LRRC4C: variants seen among roughly 807,000 people sequenced by gnomAD.
LRRC4C encodes leucine rich repeat containing 4C.
Under a neutral mutation model 33.6 loss-of-function variants are expected in LRRC4C, and 5 were observed. That is an observed-to-expected ratio of 0.15 (90% confidence interval 0.08 to 0.31). The LOEUF is 0.31. Among genes scored for constraint, LRRC4C ranks in the 10% least tolerant of loss-of-function variants. The pLI, the probability that LRRC4C is intolerant of heterozygous loss-of-function variation, is 1.00. For synonymous variants in LRRC4C, 329 were observed against 302.0 expected, an observed-to-expected ratio of 1.09 and a Z score of -0.93; for missense variants, 560 against 796.7, an observed-to-expected ratio of 0.70 and a Z score of 3.58.
In LRRC4C at chr11:40,575,889, G is replaced by A. The variant is rs1257932389; in HGVS notation, c.-270+72253C>T. Among the ~76,000 whole-genome samples the A allele has an allele frequency of 3.9e-5, 6 of 152,214 alleles. No individual in the cohort carries two copies. The East Asian group carries it at 1.2e-3, about 29-fold the overall frequency. ...GTTGTGTAATGTGTATGGACAGATT[G>A]CAAAATATGGTGCATGTTTTACTTC... On this transcript the variant is annotated intron_variant, in intron 3 of 6. Transcript: ENST00000528697.
intron 1 of LRRC4C, among the ~76,000 whole-genome samples, chr11:41,007,600 T>A (rs767074691): frequency 7.2e-5 from 11 of 152,052 alleles, no homozygotes. Flanking sequence ...GCCAAGTAAG[T>A]GTCCATCAGC....
intron 5 of LRRC4C, among the ~76,000 whole-genome samples, chr11:40,206,360 C>T (rs375874545): frequency 1.6e-4 from 25 of 152,144 alleles, no homozygotes; most frequent in Admixed American, 1.0e-3. Context: ...CTCAGCCTGC[C>T]GAGTACCTGG....
intron 3 of LRRC4C, among the ~76,000 whole-genome samples, chr11:40,376,671 C>T (rs1250224484): frequency 6.6e-6 from 1 of 151,996 alleles, no homozygotes. Context: ...TGTTCCTTAG[C>T]ACCCAGAGAC....
chr11:40,581,678 C>A (rs1216468897), intron 3 of LRRC4C, among the ~76,000 whole-genome samples: 1 of 152,022 alleles, frequency 6.6e-6, no homozygotes, highest in Non-Finnish European at 1.5e-5. Flanking sequence ...CCGAGGCGGG[C>A]AAATCACGAG....
intron 3 of LRRC4C, among the ~76,000 whole-genome samples, chr11:40,514,584 ACACT>A (rs1565463518): frequency 6.6e-6 from 1 of 152,062 alleles, no homozygotes; most frequent in Admixed American, 6.5e-5. Flanking sequence ...AGAATTATTG[ACACT>A]CAATAAATTT....
At chr11:40,811,923 GC>G in intron 2 of LRRC4C, among the ~76,000 whole-genome samples, 1 of 152,272 alleles carries the variant, frequency 6.6e-6, no homozygotes, top group Non-Finnish European at 1.5e-5. Flanking sequence ...CTGCCAGGAT[GC>G]CAAGAAGATC....
At chr11:40,222,693 T>C (rs1424659971) in intron 5 of LRRC4C, among the ~76,000 whole-genome samples, 1 of 152,208 alleles carries the variant, frequency 6.6e-6, no homozygotes, top group African/African-American at 2.4e-5. Context: ...ACCTTCTATG[T>C]TAAAACTGCT....
chr11:40,544,644 G>A (rs777950451), intron 3 of LRRC4C, among the ~76,000 whole-genome samples: 1 of 151,964 alleles, frequency 6.6e-6, no homozygotes, highest in Non-Finnish European at 1.5e-5. Flanking sequence ...TCTTTTGGTG[G>A]CAAAGAATCA....
chr11:40,839,104 A>T (rs2135620474), intron 2 of LRRC4C, among the ~76,000 whole-genome samples: 1 of 152,296 alleles, frequency 6.6e-6, no homozygotes, highest in South Asian at 2.1e-4. Context: ...TGTTGTATAT[A>T]CAAGTGCAAT....
chr11:41,343,575 A>G (rs1951707148), intron 1 of LRRC4C, among the ~76,000 whole-genome samples: 1 of 152,228 alleles, frequency 6.6e-6, no homozygotes, highest in African/African-American at 2.4e-5. Context: ...AAATGAAGAA[A>G]GAGTCTTCCA....
In LRRC4C at chr11:40,116,014, C is replaced by T; in HGVS notation, c.279G>A (p.Val93=). The T allele has an allele frequency of 1.2e-6, 2 of 1,614,122 alleles. No homozygotes were observed. Among genetic ancestry groups the T allele is most frequent in the Non-Finnish European group, 1.7e-6 (2 of 1,180,036 alleles). Residue 93 remains valine, a synonymous_variant, in exon 7 of 7, where the codon GTG becomes GTA. Coordinates refer to ENST00000528697, the MANE Select transcript of LRRC4C (RefSeq NM_001258419.2). Reference sequence around the variant, plus strand: ...AGTGTCTCAAGTGCTTGAAGCTGTTCACTTTGATGATCTGGATTTGGTTCT... The same window carrying T: ...AGTGTCTCAAGTGCTTGAAGCTGTTTACTTTGATGATCTGGATTTGGTTCT... ...LHENQIQIIK[V]NSFKHLRHLE... is the part of the protein sequence containing the mutation.
chr11:41,335,198 T>G (rs777248977), intron 1 of LRRC4C, among the ~76,000 whole-genome samples: 7 of 152,244 alleles, frequency 4.6e-5, no homozygotes, highest in Admixed American at 4.6e-4. Context: ...TAATACATAT[T>G]AAGCATAGTG....
At chr11:40,557,823 G>A (rs1163638658) in intron 3 of LRRC4C, among the ~76,000 whole-genome samples, 1 of 152,124 alleles carries the variant, frequency 6.6e-6, no homozygotes, top group Non-Finnish European at 1.5e-5. Flanking sequence ...CTTCAATGCT[G>A]CTATTCTACT....
intron 1 of LRRC4C, among the ~76,000 whole-genome samples, chr11:40,957,907 C>T (rs918240210): frequency 2.0e-5 from 3 of 151,638 alleles, no homozygotes; most frequent in African/African-American, 7.3e-5. Flanking sequence ...TGTGAACCTC[C>T]CCCCTTTCCA....
At chr11:40,117,985 TA>T (rs1855556518) in intron 6 of LRRC4C, among the ~76,000 whole-genome samples, 1 of 150,124 alleles carries the variant, frequency 6.7e-6, no homozygotes, top group African/African-American at 2.4e-5. Flanking sequence ...ATATGGTTAT[TA>T]TTTCATATTA....
Position 41,104,203 on chromosome 11 carries a change from C to T in LRRC4C, c.-495-170480G>A, listed in dbSNP as rs116336625. Among the ~76,000 whole-genome samples, 1,315 of 151,806 alleles carry T rather than the reference C, an allele frequency of 8.7e-3. 18 individuals are homozygous for T. Among genetic ancestry groups the T allele is most frequent in the African/African-American group, 0.03 (1,258 of 41,456 alleles). ...GGAGAAAATATATACAAACTTATATCCAATAAGATACTTTTATCCAAAAAC... is the reference window on the plus strand; with the variant it reads ...GGAGAAAATATATACAAACTTATATTCAATAAGATACTTTTATCCAAAAAC... On this transcript the variant is annotated intron_variant, in intron 1 of 6. Coordinates refer to ENST00000528697, the MANE Select transcript of LRRC4C (RefSeq NM_001258419.2).
intron 1 of LRRC4C, among the ~76,000 whole-genome samples, chr11:41,353,226 G>A (rs1952044540): frequency 6.6e-6 from 1 of 151,880 alleles, no homozygotes; most frequent in Non-Finnish European, 1.5e-5. Context: ...AAAATCCTGA[G>A]ATTATTATGA....
At chr11:40,975,834 A>G (rs777398475) in intron 1 of LRRC4C, among the ~76,000 whole-genome samples, 85 of 152,202 alleles carry the variant, frequency 5.6e-4, no homozygotes, top group Non-Finnish European at 9.1e-4. Flanking sequence ...GGCTCCTTGA[A>G]AGCTTAGAGA....
intron 2 of LRRC4C, among the ~76,000 whole-genome samples, chr11:40,805,403 A>T (rs1372087911): frequency 6.6e-6 from 1 of 152,188 alleles, no homozygotes; most frequent in African/African-American, 2.4e-5. Context: ...TGCCCTCTGG[A>T]ATTTTCAATT....
Sources: allele counts gnomAD v4.1 joint callset (sites outside exome capture counted in the v4.1 genomes callset), GRCh38; gene constraint gnomAD v4.1.1; transcripts MANE v1.5; gene names NCBI Gene and HGNC (gene_info 2026-07-23, HGNC 2026-07-21).